The following MGAT4C variants were observed in gnomAD, a reference collection of about 807,000 sequenced individuals.
The protein encoded by MGAT4C is MGAT4 family member C.
Under a neutral mutation model 40.1 loss-of-function variants are expected in MGAT4C, and 19 were observed. That is an observed-to-expected ratio of 0.47 (90% CI 0.33 to 0.70). MGAT4C has a LOEUF of 0.70. Among genes scored for constraint, MGAT4C ranks in the 30% least tolerant of loss-of-function variants. MGAT4C has a pLI of 0.02. For synonymous variants in MGAT4C, 181 were observed against 187.1 expected (o/e 0.97, Z 0.27); for missense variants, 491 against 563.2 (o/e 0.87, Z 1.30).
At chr12:86,815,293 G>A (rs1033836106) in intron 1 of MGAT4C, among the ~76,000 whole-genome samples, 1 of 151,850 alleles carries the variant, frequency 6.6e-6, no homozygotes, top group African/African-American at 2.4e-5. Flanking sequence ...AAACCACAAC[G>A]CAATACCGCC....
intron 3 of MGAT4C, among the ~76,000 whole-genome samples, chr12:86,338,041 C>T (rs1228564167): frequency 6.6e-6 from 1 of 152,152 alleles, no homozygotes; most frequent in South Asian, 2.1e-4. Flanking sequence ...GCAGCCTAGA[C>T]AGAGCTGATT....
intron 1 of MGAT4C, among the ~76,000 whole-genome samples, chr12:86,727,507 A>G (rs1373322757): frequency 6.6e-6 from 1 of 152,124 alleles, no homozygotes; most frequent in African/African-American, 2.4e-5. Flanking sequence ...TAGCTATCAG[A>G]GATCTTAAAT....
intron 1 of MGAT4C, among the ~76,000 whole-genome samples, chr12:86,769,687 A>G (rs911569510): frequency 3.3e-5 from 5 of 152,120 alleles, no homozygotes; most frequent in Non-Finnish European, 7.4e-5. Flanking sequence ...ATGCAGCCAT[A>G]AAAAATGATG....
At chr12:86,226,398 G>C (rs533823107) in intron 1 of MGAT4C, among the ~76,000 whole-genome samples, 37 of 151,814 alleles carry the variant, frequency 2.4e-4, no homozygotes, top group African/African-American at 8.7e-4. Flanking sequence ...TGTATTTACT[G>C]GTAAGAAAAT....
chr12:86,574,499 T>C (rs1301294352), intron 2 of MGAT4C, among the ~76,000 whole-genome samples: 1 of 151,790 alleles, frequency 6.6e-6, no homozygotes, highest in Non-Finnish European at 1.5e-5. Context: ...ATAATTATAT[T>C]AGTTTTAGTC....
chr12:86,613,415 C>A (rs1962348570), intron 2 of MGAT4C, among the ~76,000 whole-genome samples: 1 of 152,090 alleles, frequency 6.6e-6, no homozygotes, highest in Non-Finnish European at 1.5e-5. Flanking sequence ...ATCAATCCGA[C>A]AAAGTAAGTA....
intron 3 of MGAT4C, among the ~76,000 whole-genome samples, chr12:86,418,279 T>G (rs530364468): frequency 6.6e-6 from 1 of 152,184 alleles, no homozygotes; most frequent in East Asian, 1.9e-4. Flanking sequence ...GCTAGAGTGG[T>G]TGATGGATGG....
intron 2 of MGAT4C, among the ~76,000 whole-genome samples, chr12:86,542,745 G>C (rs2136387225): frequency 6.6e-6 from 1 of 152,234 alleles, no homozygotes; most frequent in East Asian, 1.9e-4. Flanking sequence ...ACTATAAACT[G>C]TCATGTCTGT....
intron 1 of MGAT4C, among the ~76,000 whole-genome samples, chr12:86,836,385 T>C (rs1259146413): frequency 6.6e-6 from 1 of 151,926 alleles, no homozygotes; most frequent in Admixed American, 6.6e-5. Context: ...AACTGGCTGA[T>C]TTAGGAGAGA....
intron 1 of MGAT4C, among the ~76,000 whole-genome samples, chr12:86,073,454 C>T (rs1869005293): frequency 6.6e-6 from 1 of 152,088 alleles, no homozygotes; most frequent in Non-Finnish European, 1.5e-5. Context: ...GTAGTTGGAA[C>T]AGTTTGGAGA....
At chr12:86,070,572 G>C (rs1040299392) in intron 1 of MGAT4C, among the ~76,000 whole-genome samples, 1 of 151,990 alleles carries the variant, frequency 6.6e-6, no homozygotes, top group African/African-American at 2.4e-5. Flanking sequence ...AATTCCCTTG[G>C]TGATCTGAAA....
At chr12:86,280,139 T>G (rs1953178253) in intron 4 of MGAT4C, among the ~76,000 whole-genome samples, 1 of 152,070 alleles carries the variant, frequency 6.6e-6, no homozygotes, top group Non-Finnish European at 1.5e-5. Flanking sequence ...ATTTATTCGG[T>G]CAATATTTAT....
chr12:86,193,017 T>C (rs1378545715), intron 1 of MGAT4C, among the ~76,000 whole-genome samples: 1 of 152,086 alleles, frequency 6.6e-6, no homozygotes, highest in East Asian at 1.9e-4. Flanking sequence ...CTTTTGTATA[T>C]ATTTATTTTC....
chr12:86,315,131 T>A (rs1375479179), intron 4 of MGAT4C, among the ~76,000 whole-genome samples: 10 of 151,128 alleles, frequency 6.6e-5, no homozygotes, highest in Non-Finnish European at 1.3e-4. Context: ...TGCCACAGTA[T>A]CAAAAACAGC....
At chr12:86,071,278 G>C (rs1243471562) in intron 1 of MGAT4C, among the ~76,000 whole-genome samples, 6 of 152,010 alleles carry the variant, frequency 3.9e-5, no homozygotes, top group Admixed American at 6.6e-5. Context: ...GGGTCATCCT[G>C]CTTGAAGGAA....
intron 1 of MGAT4C, among the ~76,000 whole-genome samples, chr12:86,831,890 T>C (rs1305317543): frequency 1.3e-5 from 2 of 151,850 alleles, no homozygotes; most frequent in African/African-American, 2.4e-5. Context: ...TTTCTCTTTA[T>C]GATGATTATA....
chr12:86,213,615 A>T (rs1043730823), intron 1 of MGAT4C, among the ~76,000 whole-genome samples: 1 of 150,198 alleles, frequency 6.7e-6, no homozygotes, highest in East Asian at 1.9e-4. Flanking sequence ...AACACCAATT[A>T]TTTAAAAAAA....
chr12:86,238,348 A>G (rs1951640937), intron 1 of MGAT4C, among the ~76,000 whole-genome samples: 1 of 152,004 alleles, frequency 6.6e-6, no homozygotes, highest in South Asian at 2.1e-4. Context: ...TATTTTAATC[A>G]TTTTCATAAT....
intron 1 of MGAT4C, among the ~76,000 whole-genome samples, chr12:86,739,935 TGA>T (rs1951043576): frequency 6.6e-6 from 1 of 150,860 alleles, no homozygotes; most frequent in Non-Finnish European, 1.5e-5. Flanking sequence ...TTCTGTAAAT[TGA>T]GAGTCTATTT....
Sources: gnomAD v4.1 joint callset for allele counts (sites outside exome capture counted in the v4.1 genomes callset) on GRCh38, gnomAD v4.1.1 for gene constraint, MANE v1.5 for transcripts, NCBI Gene and HGNC (gene_info 2026-07-23, HGNC 2026-07-21) for gene names.